Variants in CADM2 observed in about 807,000 individuals in gnomAD.
CADM2 encodes the protein cell adhesion molecule 2, also known as immunoglobulin superfamily member 4D.
CADM2 carries 12 observed loss-of-function variants against 49.8 expected under a neutral mutation model. The ratio of observed to expected loss-of-function variants is 0.24; its 90% CI spans 0.15 to 0.39. CADM2 has a LOEUF of 0.39. CADM2 is among the 10% of genes least tolerant of loss of function. The probability of loss-of-function intolerance (pLI) is 1.00; values close to 1 mark genes in which losing one functional copy is unlikely to be tolerated. For synonymous variants in CADM2, 214 were observed against 175.4 expected (o/e 1.22, Z -1.74); for missense variants, 378 against 492.3 (o/e 0.77, Z 2.20).
In CADM2 at chr3:85,189,062, A is replaced by AAAATAAATAAAT. The variant is rs67058834; in HGVS notation, c.61+229412_61+229423dup. Among the ~76,000 whole-genome samples the AAAATAAATAAAT allele has an allele frequency of 6.3e-4, 92 of 145,578 alleles. 2 individuals are homozygous for AAAATAAATAAAT. Among genetic ancestry groups the AAAATAAATAAAT allele is most frequent in the Admixed American group, 3.0e-3 (44 of 14,446 alleles). The stretch of plus-strand genomic sequence containing the variant: ...ATAATAATAGTAATAATAAATAAAT[A>AAAATAAATAAAT]AAATAAATAAATAAATAAATAAATA... On this transcript the variant is annotated intron_variant, in intron 1 of 9. Transcript: ENST00000383699.
intron 1 of CADM2, among the ~76,000 whole-genome samples, chr3:85,687,431 G>T (rs898364275): frequency 6.6e-6 from 1 of 151,954 alleles, no homozygotes; most frequent in Non-Finnish European, 1.5e-5. Context: ...AAACGATGAT[G>T]AAATGAAAGT....
At chr3:85,945,047 G>T (rs1318036122) in intron 7 of CADM2, among the ~76,000 whole-genome samples, 1 of 151,666 alleles carries the variant, frequency 6.6e-6, no homozygotes, top group Admixed American at 6.6e-5. Context: ...TAATAAAGAA[G>T]AAAAGTGAGA....
At chr3:85,462,838 G>T (rs2038309307) in intron 1 of CADM2, among the ~76,000 whole-genome samples, 1 of 152,038 alleles carries the variant, frequency 6.6e-6, no homozygotes, top group African/African-American at 2.4e-5. Flanking sequence ...TAACTACTTT[G>T]TATTTTGAAA....
intron 1 of CADM2, among the ~76,000 whole-genome samples, chr3:85,547,848 A>C (rs1275539186): frequency 2.0e-5 from 3 of 152,062 alleles, no homozygotes; most frequent in South Asian, 2.1e-4. Context: ...GGAGAGCACA[A>C]GTCATCTACA....
intron 1 of CADM2, among the ~76,000 whole-genome samples, chr3:85,452,470 G>A (rs1237785824): frequency 6.6e-6 from 1 of 151,986 alleles, no homozygotes; most frequent in Non-Finnish European, 1.5e-5. Context: ...TACTGGCTCT[G>A]TGTTTTGTTT....
At chr3:85,112,522 C>A (rs1260153791) in intron 1 of CADM2, among the ~76,000 whole-genome samples, 3 of 151,866 alleles carry the variant, frequency 2.0e-5, no homozygotes, top group Non-Finnish European at 4.4e-5. Flanking sequence ...GGAAAAGTCA[C>A]TGCTATATGA....
At chr3:85,022,694 T>C (rs1384427947) in intron 1 of CADM2, among the ~76,000 whole-genome samples, 1 of 152,184 alleles carries the variant, frequency 6.6e-6, no homozygotes, top group African/African-American at 2.4e-5. Flanking sequence ...TTTCCCTCCC[T>C]GCTCTTTGAA....
intron 1 of CADM2, among the ~76,000 whole-genome samples, chr3:85,344,901 G>T (rs979861725): frequency 2.0e-5 from 3 of 152,008 alleles, no homozygotes; most frequent in Admixed American, 6.6e-5. Flanking sequence ...AACCTGGTAG[G>T]GCTAGGGATA....
chr3:85,372,420 T>C (rs2033309935), intron 1 of CADM2, among the ~76,000 whole-genome samples: 1 of 133,078 alleles, frequency 7.5e-6, no homozygotes. Context: ...TATATGTATA[T>C]ATGTGTGTAT....
At chr3:85,229,444 G>T (rs746964383) in intron 1 of CADM2, among the ~76,000 whole-genome samples, 2 of 152,092 alleles carry the variant, frequency 1.3e-5, no homozygotes, top group African/African-American at 2.4e-5. Context: ...GCTTCAACTC[G>T]CCCTCGGTGG....
chr3:85,038,851 C>T (rs1264446873), intron 1 of CADM2, among the ~76,000 whole-genome samples: 2 of 152,062 alleles, frequency 1.3e-5, no homozygotes, highest in African/African-American at 4.8e-5. Flanking sequence ...AATAATCTTC[C>T]AACTTGCAAT....
chr3:85,644,270 A>G (rs143171727), intron 1 of CADM2, among the ~76,000 whole-genome samples: 132 of 152,242 alleles, frequency 8.7e-4, no homozygotes, highest in African/African-American at 3.2e-3. Flanking sequence ...AAAGAGAAAG[A>G]GTTCCGGCAT....
chr3:85,241,448 A>G (rs1443956574), intron 1 of CADM2, among the ~76,000 whole-genome samples: 1 of 151,534 alleles, frequency 6.6e-6, no homozygotes, highest in Non-Finnish European at 1.5e-5. Flanking sequence ...TTAGATTTCT[A>G]AATAACTTTT....
chr3:85,786,310 TATA>T (rs1224973717), intron 2 of CADM2, among the ~76,000 whole-genome samples: 1 of 152,110 alleles, frequency 6.6e-6, no homozygotes, highest in Admixed American at 6.6e-5. Context: ...TTATCAGAAG[TATA>T]ATTTCTTTAG....
intron 1 of CADM2, among the ~76,000 whole-genome samples, chr3:85,365,244 T>A (rs1358413609): frequency 3.4e-5 from 5 of 149,124 alleles, no homozygotes; most frequent in Non-Finnish European, 7.4e-5. Flanking sequence ...ACAAGGTTGA[T>A]GAGATGATGA....
intron 1 of CADM2, among the ~76,000 whole-genome samples, chr3:85,003,247 C>G (rs2033561445): frequency 6.6e-6 from 1 of 152,108 alleles, no homozygotes; most frequent in African/African-American, 2.4e-5. Flanking sequence ...CCTCAGATTA[C>G]AAAGTATGGA....
rs573859934 is a variant in CADM2 at position 85,902,413 on chromosome 3, TA to T, written c.530-9957del. ...TTCAGTCCATTTGTATCTTTAAATCTAAAGTGTGTCTCCTGTAGAAAGCATA... is the reference window on the plus strand; with the variant it reads ...TTCAGTCCATTTGTATCTTTAAATCTAAGTGTGTCTCCTGTAGAAAGCATA... On this transcript the variant is annotated intron_variant, in intron 5 of 9. Transcript: ENST00000383699. 1.2e-3 allele frequency among the ~76,000 whole-genome samples: 178 copies of T among 152,098 alleles called. 3 individuals are homozygous for T. The highest frequency in any genetic ancestry group is 4.2e-3 in the African/African-American group (176 of 41,568).
intron 1 of CADM2, among the ~76,000 whole-genome samples, chr3:85,446,099 C>T (rs1319016696): frequency 6.6e-6 from 1 of 151,942 alleles, no homozygotes; most frequent in Non-Finnish European, 1.5e-5. Context: ...ATTTTTGATA[C>T]TTATTTTCTC....
chr3:86,009,112 AAT>A (rs200986285), intron 8 of CADM2, among the ~76,000 whole-genome samples: 2,973 of 131,580 alleles, frequency 0.023, 81 homozygotes, highest in African/African-American at 0.063. Context: ...TGTGTGTATA[AAT>A]ATATATATAT....
Sources: allele counts gnomAD v4.1 joint callset (sites outside exome capture counted in the v4.1 genomes callset), GRCh38; gene constraint gnomAD v4.1.1; transcripts MANE v1.5; gene names NCBI Gene and HGNC (gene_info 2026-07-23, HGNC 2026-07-21).